IGF2BP3: variants seen among roughly 807,000 people sequenced by gnomAD.
IGF2BP3 encodes insulin-like growth factor 2 mRNA-binding protein 3.
IGF2BP3 carries 9 observed loss-of-function variants against 73.8 expected under a neutral mutation model. That is an observed-to-expected ratio of 0.12 (90% CI 0.07 to 0.21). IGF2BP3 has a LOEUF of 0.21. Ranked by LOEUF, IGF2BP3 falls within the 10% of genes least tolerant of loss-of-function variation. IGF2BP3 has a pLI of 1.00. For synonymous variants in IGF2BP3, 258 were observed against 256.7 expected (o/e 1.01, Z -0.05); for missense variants, 542 against 714.0 (o/e 0.76, Z 2.75).
At chr7:23,417,651 A>G (rs763345805) in intron 3 of IGF2BP3, among the ~76,000 whole-genome samples, 12 of 152,132 alleles carry the variant, frequency 7.9e-5, no homozygotes, top group Non-Finnish European at 1.8e-4. Context: ...ATTAAATTAC[A>G]TTTTAAATCA....
At chr7:23,418,604 A>C (rs1787258202) in intron 3 of IGF2BP3, among the ~76,000 whole-genome samples, 172 bp downstream of exon 3, 1 of 152,216 alleles carries the variant, frequency 6.6e-6, no homozygotes, top group Non-Finnish European at 1.5e-5. Context: ...AGATTTTTAA[A>C]AGATACACTG....
At chr7:23,406,840 C>T (rs1313786592) in intron 3 of IGF2BP3, among the ~76,000 whole-genome samples, 2 of 152,126 alleles carry the variant, frequency 1.3e-5, no homozygotes, top group Admixed American at 1.3e-4. Context: ...GGTGTGTTTA[C>T]AAACCTTTAG....
chr7:23,344,863 A>G (rs547995067), intron 8 of IGF2BP3, among the ~76,000 whole-genome samples: 4 of 152,358 alleles, frequency 2.6e-5, no homozygotes, highest in East Asian at 1.9e-4. Flanking sequence ...AAAGAAGTCT[A>G]TAATTCTAAT....
At position 23,351,463 on chromosome 7, in the gene IGF2BP3, C is replaced by A. The variant is rs1228246586; in HGVS notation, c.525G>T (p.Gly175=). ...LQQPRGRRGL[G]QRGSSRQGSP... ...ACCCCTGCCTTGAGGAGCCCCTCTG[C>A]CCAAGCCCCCGGCGACCTCGGGGCT... Residue 175 remains glycine (G), a synonymous_variant, in exon 6 of 15, where the codon GGG becomes GGT. Coordinates refer to ENST00000258729, the MANE Select transcript of IGF2BP3 (RefSeq NM_006547.3). 6.2e-7 allele frequency: 1 copy of A among 1,613,778 alleles called. No homozygotes were observed. The highest frequency in any genetic ancestry group is 1.1e-5 in the South Asian group (1 of 91,028).
intron 10 of IGF2BP3, among the ~76,000 whole-genome samples, chr7:23,331,394 C>T (rs1394749542): frequency 6.6e-6 from 1 of 152,122 alleles, no homozygotes; most frequent in Admixed American, 6.5e-5. Context: ...CTTTATAAAG[C>T]ACCTTCAGAT....
intron 3 of IGF2BP3, among the ~76,000 whole-genome samples, chr7:23,412,758 G>A (rs543074293): frequency 1.3e-5 from 2 of 150,098 alleles, no homozygotes; most frequent in South Asian, 4.2e-4. Context: ...TACTTATTAG[G>A]AGTTTTGATT....
chr7:23,347,842 T>C (rs995044682), intron 6 of IGF2BP3, 108 bp from the exon 7 acceptor site: 1 of 1,291,408 alleles, frequency 7.7e-7, no homozygotes, highest in Non-Finnish European at 1.1e-6. Context: ...GCAAAGCAGA[T>C]GACTCACTTC....
At chr7:23,437,118 C>CA (rs927919987) in intron 2 of IGF2BP3, among the ~76,000 whole-genome samples, 33 of 150,686 alleles carry the variant, frequency 2.2e-4, no homozygotes, top group Non-Finnish European at 2.4e-4. Flanking sequence ...GACCCTGTCT[C>CA]AAAAAAAACA....
At chr7:23,408,424 T>C (rs1000389596) in intron 3 of IGF2BP3, among the ~76,000 whole-genome samples, 1 of 152,066 alleles carries the variant, frequency 6.6e-6, no homozygotes. Flanking sequence ...TACTTCTACA[T>C]ACTAAAAACA....
At chr7:23,453,777 C>T (rs1183657149) in intron 2 of IGF2BP3, among the ~76,000 whole-genome samples, 1 of 152,216 alleles carries the variant, frequency 6.6e-6, no homozygotes, top group African/African-American at 2.4e-5. Flanking sequence ...TCTCCAACCT[C>T]ATAGGCAGAA....
At chr7:23,372,403 T>G (rs1785581646) in intron 3 of IGF2BP3, among the ~76,000 whole-genome samples, 1 of 152,140 alleles carries the variant, frequency 6.6e-6, no homozygotes, top group Non-Finnish European at 1.5e-5. Context: ...TGGTGATTTC[T>G]GAGATTTTGG....
At chr7:23,327,691 A>G (rs1265699428) in intron 10 of IGF2BP3, among the ~76,000 whole-genome samples, 1 of 152,170 alleles carries the variant, frequency 6.6e-6, no homozygotes, top group Non-Finnish European at 1.5e-5. Context: ...AAAATCAGCC[A>G]AAGAAAACAG....
At chr7:23,455,987 G>A (rs563952799) in intron 2 of IGF2BP3, among the ~76,000 whole-genome samples, 14 of 152,122 alleles carry the variant, frequency 9.2e-5, no homozygotes, top group Non-Finnish European at 1.6e-4. Flanking sequence ...GCCCGGCAGG[G>A]TCTTACTCTT....
intron 10 of IGF2BP3, among the ~76,000 whole-genome samples, chr7:23,326,811 G>C (rs531843991): frequency 0.02 from 2,834 of 141,822 alleles, 58 homozygotes; most frequent in Non-Finnish European, 0.019. Context: ...GTAAACTATC[G>C]CAAGAACAAA....
intron 2 of IGF2BP3, among the ~76,000 whole-genome samples, chr7:23,461,959 C>T (rs1788458939): frequency 6.6e-6 from 1 of 152,166 alleles, no homozygotes; most frequent in Admixed American, 6.5e-5. Context: ...TTTAAGAAGA[C>T]TAGCAGCTTC....
Position 23,359,502 on chromosome 7 carries a change from T to C in IGF2BP3, c.401+2032A>G, listed in dbSNP as rs146485112. On this transcript the variant is annotated intron_variant, in intron 5 of 14. Transcript: ENST00000258729. ...TCCTTGGGTTTATCACATCATCCTA[T>C]ATTTTCCAACAGGGACTTGGCTCTA... Among the ~76,000 whole-genome samples, 73 of 152,332 alleles carry C rather than the reference T, an allele frequency of 4.8e-4. 1 individual carries two copies. The highest frequency in any genetic ancestry group is 1.5e-3 in the African/African-American group (63 of 41,574).
chr7:23,385,617 G>A (rs919104402), intron 3 of IGF2BP3, among the ~76,000 whole-genome samples: 1 of 152,034 alleles, frequency 6.6e-6, no homozygotes, highest in African/African-American at 2.4e-5. Context: ...GGTAGGGGGT[G>A]GGGGGAAGAT....
At chr7:23,429,071 C>A (rs935385956) in intron 2 of IGF2BP3, among the ~76,000 whole-genome samples, 4 of 152,148 alleles carry the variant, frequency 2.6e-5, no homozygotes, top group Non-Finnish European at 5.9e-5. Context: ...GATCCTTGAT[C>A]CCTTTTAGTC....
intron 10 of IGF2BP3, among the ~76,000 whole-genome samples, chr7:23,337,189 T>C (rs1784595713): frequency 6.6e-6 from 1 of 152,164 alleles, no homozygotes; most frequent in Admixed American, 6.5e-5. Flanking sequence ...CTTGAAGTTA[T>C]ATACTCAAAC....
Sources: gnomAD v4.1 joint callset for allele counts (sites outside exome capture counted in the v4.1 genomes callset) on GRCh38, gnomAD v4.1.1 for gene constraint, MANE v1.5 for transcripts, NCBI Gene and HGNC (gene_info 2026-07-23, HGNC 2026-07-21) for gene names.